The following SCYL3 variants were observed in gnomAD, a reference collection of about 807,000 sequenced individuals.
SCYL3 encodes the protein protein-associating with the carboxyl-terminal domain of ezrin.
A neutral mutation model predicts 73.8 loss-of-function variants in SCYL3; 35 were observed. The observed-to-expected ratio is 0.47, with a 90% confidence interval of 0.36 to 0.63. SCYL3 has a LOEUF of 0.63. Among genes scored for constraint, SCYL3 ranks in the 20% least tolerant of loss-of-function variants. The pLI is 0.00. For missense variants in SCYL3, 712 were observed against 798.9 expected (o/e 0.89, Z 1.31); for synonymous variants, 277 against 295.2 (o/e 0.94, Z 0.63).
chr1:169,851,927 A>G lies in SCYL3; in HGVS notation c.*1786T>C, dbSNP rs1658396673. 1 of 1,614,108 alleles carries G rather than the reference A, an allele frequency of 6.2e-7. No homozygotes were observed. The highest frequency in any genetic ancestry group is 8.5e-7 in the Non-Finnish European group (1 of 1,179,952). The stretch of plus-strand genomic sequence containing the variant: ...TGACTGTAGAAGAAGCAAAGAGGTC[A>G]TCTTTACAGGTATGGGCTGATTTCA... On this transcript the variant is annotated 3_prime_UTR_variant, in exon 13 of 13. Coordinates refer to ENST00000367771, the MANE Select transcript of SCYL3 (RefSeq NM_020423.7).
rs375475620 is a variant in SCYL3 at position 169,864,539 on chromosome 1, T to C, written c.816-31A>G. ...GACAAAAAGGGAAAGCCCAGGAAAC[T>C]GGTCATGACACTGTATCAGCTTACT... On this transcript the variant is annotated intron_variant, in intron 8 of 12. Coordinates refer to ENST00000367771, the MANE Select transcript of SCYL3 (RefSeq NM_020423.7). 62 of 1,559,150 alleles carry C rather than the reference T, an allele frequency of 4.0e-5. No individual in the cohort carries two copies. The African/African-American group carries it at 8.4e-4, about 21-fold the overall frequency.
intron 10 of SCYL3, among the ~76,000 whole-genome samples, chr1:169,862,098 T>A (rs931385702): frequency 6.6e-6 from 1 of 152,218 alleles, no homozygotes; most frequent in Admixed American, 6.5e-5. Context: ...CCTCCAGAAC[T>A]AAAAATAAAT....
At chr1:169,863,420 A>G (rs1659807883) in intron 9 of SCYL3, among the ~76,000 whole-genome samples, 1 of 152,180 alleles carries the variant, frequency 6.6e-6, no homozygotes, top group African/African-American at 2.4e-5. Flanking sequence ...TTCATACACT[A>G]GATTTGTGAC....
At position 169,850,258 on chromosome 1, in the gene SCYL3, T is replaced by C. The variant is rs758290483; in HGVS notation, c.*3455A>G. 29 of 1,596,872 alleles carry C rather than the reference T, an allele frequency of 1.8e-5. No individual in the cohort carries two copies. The highest frequency in any genetic ancestry group is 2.5e-5 in the Non-Finnish European group (29 of 1,167,546). ...AAAATTGGTCTTGTTCATCAATTTT[T>C]TAATAGGGAACAAATCATGAAGAGA... is the stretch of plus-strand genomic sequence containing the variant. On this transcript the variant is annotated 3_prime_UTR_variant, in exon 13 of 13. Transcript: ENST00000367771.
intron 2 of SCYL3, among the ~76,000 whole-genome samples, chr1:169,887,241 G>A (rs1661745192): frequency 1.3e-5 from 2 of 152,082 alleles, no homozygotes; most frequent in Non-Finnish European, 2.9e-5. Flanking sequence ...GGCTTAAAAG[G>A]GTATCTATGA....
chr1:169,883,155 C>T (rs189492382), intron 2 of SCYL3, among the ~76,000 whole-genome samples: 67 of 152,154 alleles, frequency 4.4e-4, no homozygotes, highest in African/African-American at 2.9e-4. Flanking sequence ...ACTCCAGACA[C>T]GCCACCTTTA....
intron 2 of SCYL3, among the ~76,000 whole-genome samples, chr1:169,886,573 A>C (rs1661703395): frequency 6.6e-6 from 1 of 152,212 alleles, no homozygotes; most frequent in Admixed American, 6.5e-5. Flanking sequence ...AAAGACACTC[A>C]AGAATCATTT....
intron 1 of SCYL3, among the ~76,000 whole-genome samples, chr1:169,892,695 T>G (rs1477835864): frequency 6.6e-6 from 1 of 152,194 alleles, no homozygotes; most frequent in African/African-American, 2.4e-5. Context: ...CCTTTAATAA[T>G]CTCCCTCCAC....
chr1:169,871,705 G>A (rs911089153), intron 5 of SCYL3, among the ~76,000 whole-genome samples: 7 of 152,316 alleles, frequency 4.6e-5, no homozygotes, highest in Admixed American at 3.9e-4. Flanking sequence ...TGCTGCTAGT[G>A]ATATGAACAA....
chr1:169,853,730 C>T lies in SCYL3; in HGVS notation c.2050G>A (p.Glu684Lys), dbSNP rs1658736678. ...GWEEEGELNW[E>K]DNNW Reference sequence around the variant, plus strand: ...ATCTATTGTCACCAGTTATTATCTTCCCAGTTCAGCTCCCCTTCTTCTTCC... The same window carrying T: ...ATCTATTGTCACCAGTTATTATCTTTCCAGTTCAGCTCCCCTTCTTCTTCC... The change falls in exon 13 of 13, where the codon GAA becomes AAA. Residue 684 changes from glutamate to lysine, a missense_variant. Coordinates refer to ENST00000367771, the MANE Select transcript of SCYL3 (RefSeq NM_020423.7). The T allele has an allele frequency of 1.2e-6, 2 of 1,613,702 alleles. No homozygotes were observed. Among genetic ancestry groups the T allele is most frequent in the Non-Finnish European group, 8.5e-7 (1 of 1,179,810 alleles).
At chr1:169,872,265 T>C (rs999275530) in intron 5 of SCYL3, among the ~76,000 whole-genome samples, 2 of 152,240 alleles carry the variant, frequency 1.3e-5, no homozygotes, top group South Asian at 2.1e-4. Flanking sequence ...GGGGCCAACG[T>C]AGAGCTCAGC....
At chr1:169,871,039 T>C (rs982269162) in intron 5 of SCYL3, among the ~76,000 whole-genome samples, 1 of 152,176 alleles carries the variant, frequency 6.6e-6, no homozygotes, top group African/African-American at 2.4e-5. Flanking sequence ...TTACCAGCAC[T>C]CTTAATAATC....
chr1:169,889,834 C>T (rs968951304), intron 1 of SCYL3, among the ~76,000 whole-genome samples: 4 of 152,146 alleles, frequency 2.6e-5, no homozygotes, highest in African/African-American at 9.7e-5. Flanking sequence ...ATCAATTACG[C>T]CTCAAAGTTG....
At chr1:169,878,548 C>A in intron 3 of SCYL3, 86 bp downstream of exon 3, 1 of 1,127,384 alleles carries the variant, frequency 8.9e-7, no homozygotes, top group Non-Finnish European at 1.3e-6. Context: ...CTATGAACAC[C>A]ATAATTTATA....
At chr1:169,873,841 T>C (rs576267263) in intron 4 of SCYL3, 89 bp from the exon 5 acceptor site, 10 of 856,162 alleles carry the variant, frequency 1.2e-5, no homozygotes, top group Non-Finnish European at 1.9e-5. Context: ...CAATGAGCAA[T>C]GCAAACAGCA....
intron 12 of SCYL3, 114 bp downstream of exon 12, chr1:169,854,156 C>G (rs902479268): frequency 4.0e-6 from 3 of 750,586 alleles, no homozygotes; most frequent in Non-Finnish European, 5.7e-6. Flanking sequence ...TAATTTTGTG[C>G]TTGACTTGAC....
chr1:169,883,503 C>T (rs959216856), intron 2 of SCYL3, among the ~76,000 whole-genome samples: 2 of 152,148 alleles, frequency 1.3e-5, no homozygotes, highest in Admixed American at 1.3e-4. Flanking sequence ...TGAAATATTT[C>T]ATTTGGAAGA....
At chr1:169,879,089 C>T (rs1055673136) in intron 2 of SCYL3, among the ~76,000 whole-genome samples, 1 of 152,196 alleles carries the variant, frequency 6.6e-6, no homozygotes, top group Non-Finnish European at 1.5e-5. Flanking sequence ...GATCCCTCAA[C>T]GATTACTGCT....
In SCYL3 at chr1:169,857,916, C is replaced by T. The variant is rs897049634; in HGVS notation, c.1312+1125G>A. 5.3e-5 allele frequency among the ~76,000 whole-genome samples: 8 copies of T among 151,988 alleles called. No individual in the cohort carries two copies. In the South Asian group the frequency reaches 1.7e-3, roughly 31 times the overall value. On this transcript the variant is annotated intron_variant, in intron 11 of 12. Coordinates refer to ENST00000367771, the MANE Select transcript of SCYL3 (RefSeq NM_020423.7). ...AACACAGTGGTAATTATTTGAGTGT[C>T]CAAACATAGAAAAGTAAAAATATAA... is the stretch of plus-strand genomic sequence containing the variant.
Sources: gnomAD v4.1 joint callset for allele counts (sites outside exome capture counted in the v4.1 genomes callset) on GRCh38, gnomAD v4.1.1 for gene constraint, MANE v1.5 for transcripts, NCBI Gene and HGNC (gene_info 2026-07-23, HGNC 2026-07-21) for gene names.